The following LITAF variants were observed in gnomAD, a reference collection of about 807,000 sequenced individuals.
LITAF encodes the protein lipopolysaccharide induced TNF factor.
A neutral mutation model predicts 14.5 loss-of-function variants in LITAF; 9 were observed. That is an observed-to-expected ratio of 0.62 (90% CI 0.37 to 1.08). The LOEUF is 1.08. LITAF is among the 50% of genes least tolerant of loss of function. LITAF has a pLI of 0.01. For synonymous variants in LITAF, 98 were observed against 88.2 expected, an observed-to-expected ratio of 1.11 and a Z score of -0.62; for missense variants, 206 against 213.4, an observed-to-expected ratio of 0.97 and a Z score of 0.22.
chr16:11,560,852 C>G (rs2064351019), intron 1 of LITAF, among the ~76,000 whole-genome samples: 1 of 152,180 alleles, frequency 6.6e-6, no homozygotes, highest in African/African-American at 2.4e-5. Context: ...TGGTTTAACA[C>G]TGAGACATGG....
At chr16:11,556,885 A>C (rs1427557213) in intron 1 of LITAF, 150 bp from the exon 2 acceptor site, 3 of 726,342 alleles carry the variant, frequency 4.1e-6, no homozygotes, top group Non-Finnish European at 7.2e-6. Flanking sequence ...AAGAGGGTTA[A>C]TGTCCCTTCA....
At chr16:11,585,754 G>C (rs757988159) in intron 1 of LITAF, among the ~76,000 whole-genome samples, 5 of 152,186 alleles carry the variant, frequency 3.3e-5, no homozygotes, top group African/African-American at 4.8e-5. Flanking sequence ...CTTTGAACCA[G>C]CACCAGTGCA....
At chr16:11,573,087 C>T (rs961605718) in intron 1 of LITAF, among the ~76,000 whole-genome samples, 1 of 152,038 alleles carries the variant, frequency 6.6e-6, no homozygotes, top group Non-Finnish European at 1.5e-5. Flanking sequence ...TGCCACCACG[C>T]CTGGCTAACT....
At chr16:11,557,455 T>C (rs2141721116) in intron 1 of LITAF, among the ~76,000 whole-genome samples, 1 of 152,246 alleles carries the variant, frequency 6.6e-6, no homozygotes, top group South Asian at 2.1e-4. Flanking sequence ...TTTTGTTTTT[T>C]GTTTTGTTTT....
At chr16:11,638,106 A>ATATC (rs1276702102), upstream of LITAF, among the ~76,000 whole-genome samples, 1 of 72,258 alleles carries the variant, frequency 1.4e-5, no homozygotes, top group African/African-American at 7.2e-5. Context: ...CTATATATAT[A>ATATC]TATCTATCTA....
At chr16:11,568,673 GT>G (rs374757371) in intron 1 of LITAF, among the ~76,000 whole-genome samples, 30 of 116,370 alleles carry the variant, frequency 2.6e-4, no homozygotes, top group African/African-American at 9.4e-4. Flanking sequence ...GTACACCCTT[GT>G]TTTTTTTTGT....
At chr16:11,590,346 C>T (rs1288254276), upstream of LITAF, among the ~76,000 whole-genome samples, 7 of 117,260 alleles carry the variant, frequency 6.0e-5, 3 homozygotes, top group Non-Finnish European at 1.2e-4. Flanking sequence ...GAGATATATA[C>T]ATATATAGAT....
intron 1 of LITAF, among the ~76,000 whole-genome samples, chr16:11,582,149 C>G (rs775232909): frequency 5.9e-5 from 9 of 152,114 alleles, no homozygotes; most frequent in Non-Finnish European, 1.2e-4. Flanking sequence ...GCCAATTACT[C>G]TTTGATCAAT....
intron 3 of LITAF, among the ~76,000 whole-genome samples, chr16:11,629,440 GC>G (rs1239997015): frequency 6.6e-6 from 1 of 152,186 alleles, no homozygotes; most frequent in Non-Finnish European, 1.5e-5. Flanking sequence ...CCCAAGGCAG[GC>G]CTGAAGTAAG....
At chr16:11,587,089 A>C, upstream of LITAF, 1 of 200,868 alleles carries the variant, frequency 5.0e-6, no homozygotes. Context: ...CCTCACTCTG[A>C]TCGCCCCCAG....
upstream of LITAF, among the ~76,000 whole-genome samples, chr16:11,599,887 T>C (rs1006025142): frequency 6.6e-6 from 1 of 152,152 alleles, no homozygotes; most frequent in African/African-American, 2.4e-5. Flanking sequence ...AAACCTGTGC[T>C]CAAACACCAC....
In LITAF at chr16:11,549,569, C is replaced by G; in HGVS notation, c.*68G>C. The G allele has an allele frequency of 8.5e-7, 1 of 1,179,434 alleles. No homozygotes were observed. The highest frequency in any genetic ancestry group is 1.3e-5 in the South Asian group (1 of 77,352). 73.1% of individuals were successfully genotyped at this position (1,179,434 alleles called of 1,614,324 possible). ...CCACCAGGGCAGAACCTCCACCAGGCGTGAAGCTGGATGAGAGGTGGAAAG... is the reference window on the plus strand; with the variant it reads ...CCACCAGGGCAGAACCTCCACCAGGGGTGAAGCTGGATGAGAGGTGGAAAG... On this transcript the variant is annotated 3_prime_UTR_variant, in exon 4 of 4. Coordinates refer to ENST00000622633, the MANE Select transcript of LITAF (RefSeq NM_001136472.2). The surrounding 1 kb of genome is among the most constrained non-coding windows in gnomAD (Gnocchi z 4.6).
Position 11,620,179 on chromosome 16 carries a change from A to AAAAAG in LITAF, c.85+13349_85+13353dup, listed in dbSNP as rs1186164396. On this transcript the variant is annotated intron_variant, in intron 3 of 3. Coordinates refer to the LITAF transcript ENST00000574848. ...TGAGAGTCCGTCTCAAAAAAAAAAAAAAAAGAAAAGAAAAGAAAAAGAAAA... is the reference window on the plus strand; with the variant it reads ...TGAGAGTCCGTCTCAAAAAAAAAAAAAAAAGAAAAGAAAAGAAAAGAAAAAGAAAA... 2.6e-3 allele frequency among the ~76,000 whole-genome samples: 399 copies of AAAAAG among 151,262 alleles called. 2 individuals are homozygous for AAAAAG. Among genetic ancestry groups the AAAAAG allele is most frequent in the Non-Finnish European group, 4.8e-3 (323 of 67,938 alleles).
chr16:11,601,161 C>T (rs1363255037), upstream of LITAF, among the ~76,000 whole-genome samples: 1 of 152,052 alleles, frequency 6.6e-6, no homozygotes, highest in Admixed American at 6.6e-5. Context: ...CACACACAGG[C>T]GGCCCTCCAG....
At chr16:11,618,160 C>T (rs1193673085) in intron 3 of LITAF, among the ~76,000 whole-genome samples, 1 of 152,206 alleles carries the variant, frequency 6.6e-6, no homozygotes, top group African/African-American at 2.4e-5. Context: ...AGCCACTGCA[C>T]CTGGCCATAA....
At chr16:11,575,414 C>G (rs1418979792) in intron 1 of LITAF, 1 of 152,100 alleles carries the variant, frequency 6.6e-6, no homozygotes, top group African/African-American at 2.4e-5. Flanking sequence ...ACCTGTGTCC[C>G]GTGGGGCAGG....
chr16:11,599,755 C>G (rs560871633), upstream of LITAF, among the ~76,000 whole-genome samples: 3 of 152,258 alleles, frequency 2.0e-5, no homozygotes, highest in East Asian at 5.8e-4. Context: ...TCACTCCACT[C>G]CAGCCACAGG....
At chr16:11,565,878 T>C (rs936764487) in intron 1 of LITAF, among the ~76,000 whole-genome samples, 2 of 151,698 alleles carry the variant, frequency 1.3e-5, no homozygotes, top group African/African-American at 4.8e-5. Context: ...GGAGAATTCA[T>C]TCCTCCTGGA....
rs2064953244 is a variant in LITAF, at chr16:11,605,967, A to G, written c.85+27566T>C. 6.6e-6 allele frequency among the ~76,000 whole-genome samples: 1 copy of G among 152,142 alleles called. No homozygotes were observed. The highest frequency in any genetic ancestry group is 1.5e-5 in the Non-Finnish European group (1 of 68,020). On this transcript the variant is annotated intron_variant, in intron 3 of 3. Coordinates refer to the LITAF transcript ENST00000574848. This position sits in a 1 kb window ranked among gnomAD's most constrained non-coding sequence, Gnocchi z 4.7. ...TTCTGGGAGCCCCCATTCTTCCTTC[A>G]AAGTGTTGCACACACAGGATATGTG...
Sources: allele counts gnomAD v4.1 joint callset (sites outside exome capture counted in the v4.1 genomes callset), GRCh38; gene constraint gnomAD v4.1.1; non-coding constraint Gnocchi (gnomAD v3.1); transcripts MANE v1.5; gene names NCBI Gene and HGNC (gene_info 2026-07-23, HGNC 2026-07-21).